Variants in SGMS1 observed in about 807,000 individuals in gnomAD.
SGMS1 encodes the protein sphingomyelin synthase 1.
Under a neutral mutation model 46.2 loss-of-function variants are expected in SGMS1, and 13 were observed. The observed-to-expected ratio is 0.28, with a 90% CI of 0.18 to 0.45. SGMS1 has a LOEUF of 0.45. SGMS1 is among the 20% of genes least tolerant of loss of function. The pLI is 1.00. For synonymous variants in SGMS1, 203 were observed against 187.8 expected, an observed-to-expected ratio of 1.08 and a Z score of -0.66; for missense variants, 324 against 519.9, an observed-to-expected ratio of 0.62 and a Z score of 3.66.
upstream of SGMS1, chr10:50,624,249 T>A (rs141031907): frequency 5.8e-5 from 26 of 447,626 alleles, no homozygotes; most frequent in Non-Finnish European, 7.7e-5. Context: ...GGACGGTAAA[T>A]CCCTTGGGGC....
chr10:50,374,364 C>G (rs149544951), intron 6 of SGMS1, among the ~76,000 whole-genome samples: 2 of 152,216 alleles, frequency 1.3e-5, no homozygotes, highest in African/African-American at 4.8e-5. Flanking sequence ...TCCATTCTGT[C>G]ATTTGCTCTG....
chr10:50,487,831 G>A (rs1026437317), intron 3 of SGMS1, among the ~76,000 whole-genome samples: 1 of 151,932 alleles, frequency 6.6e-6, no homozygotes, highest in African/African-American at 2.4e-5. Flanking sequence ...AGGTTTCACT[G>A]CCAAATTTTA....
At chr10:50,624,516 G>A (rs1221380367), upstream of SGMS1, 1 of 873,038 alleles carries the variant, frequency 1.1e-6, no homozygotes, top group Non-Finnish European at 1.4e-6. Flanking sequence ...CTCTGGCGAC[G>A]CCTGGGAGCG....
chr10:50,610,224 C>T (rs1367700294), intron 1 of SGMS1, among the ~76,000 whole-genome samples: 3 of 152,184 alleles, frequency 2.0e-5, no homozygotes, highest in Non-Finnish European at 4.4e-5. Context: ...GTCTGCCTCA[C>T]CCCCTTTTAC....
At chr10:50,449,478 T>TA (rs1174679252) in intron 5 of SGMS1, among the ~76,000 whole-genome samples, 1 of 152,034 alleles carries the variant, frequency 6.6e-6, no homozygotes, top group Non-Finnish European at 1.5e-5. Context: ...TCCTGCAAAA[T>TA]AAAAAAAGTA....
intron 3 of SGMS1, among the ~76,000 whole-genome samples, chr10:50,501,305 A>T (rs768551033): frequency 2.0e-5 from 3 of 152,204 alleles, no homozygotes; most frequent in Non-Finnish European, 2.9e-5. Context: ...CAAGTCCACA[A>T]ACTCTATCAT....
At chr10:50,518,476 G>C (rs1312591088) in intron 3 of SGMS1, among the ~76,000 whole-genome samples, 1 of 152,166 alleles carries the variant, frequency 6.6e-6, no homozygotes, top group Non-Finnish European at 1.5e-5. Context: ...GCCCAGGCTG[G>C]AGTGCAATGG....
intron 6 of SGMS1, among the ~76,000 whole-genome samples, chr10:50,415,048 G>C (rs1230721356): frequency 1.3e-5 from 2 of 152,226 alleles, no homozygotes; most frequent in Non-Finnish European, 2.9e-5. Flanking sequence ...GTCAACCCGG[G>C]AGGCGGAGCT....
At chr10:50,488,964 T>A (rs1837545978) in intron 3 of SGMS1, among the ~76,000 whole-genome samples, 1 of 152,210 alleles carries the variant, frequency 6.6e-6, no homozygotes, top group Non-Finnish European at 1.5e-5. Context: ...AGATGCTTTT[T>A]AAAAAGCTAT....
intron 6 of SGMS1, among the ~76,000 whole-genome samples, chr10:50,356,954 T>G (rs1359555136): frequency 3.3e-5 from 5 of 151,774 alleles, no homozygotes; most frequent in Admixed American, 2.6e-4. Flanking sequence ...CATTAGGAGA[T>G]ATACCTAATG....
At chr10:50,524,656 C>T (rs1206360918) in intron 2 of SGMS1, among the ~76,000 whole-genome samples, 4 of 152,190 alleles carry the variant, frequency 2.6e-5, no homozygotes, top group Admixed American at 2.0e-4. Context: ...TTATTATTAT[C>T]AGCCCATTTA....
chr10:50,350,955 AATGGTAG>A (rs1421836647), intron 6 of SGMS1, among the ~76,000 whole-genome samples: 2 of 152,140 alleles, frequency 1.3e-5, no homozygotes, highest in African/African-American at 4.8e-5. Flanking sequence ...CAGACCCCAG[AATGGTAG>A]ATCTACTGGC....
chr10:50,597,277 A>G (rs1283939324), intron 1 of SGMS1, among the ~76,000 whole-genome samples: 1 of 152,246 alleles, frequency 6.6e-6, no homozygotes, highest in African/African-American at 2.4e-5. Flanking sequence ...ATCATGAAAT[A>G]CCATTACACA....
intron 6 of SGMS1, among the ~76,000 whole-genome samples, chr10:50,413,130 G>T (rs1266251809): frequency 6.6e-6 from 1 of 152,110 alleles, no homozygotes; most frequent in African/African-American, 2.4e-5. Flanking sequence ...TTGTGACTGT[G>T]CCTAAGGACT....
At chr10:50,359,606 T>G (rs968534292) in intron 6 of SGMS1, among the ~76,000 whole-genome samples, 19 of 151,638 alleles carry the variant, frequency 1.3e-4, no homozygotes, top group African/African-American at 4.6e-4. Flanking sequence ...TCCCCAAGCC[T>G]CCAATTGAGT....
intron 9 of SGMS1, 105 bp downstream of exon 9, chr10:50,311,157 C>CAGG: frequency 7.4e-7 from 1 of 1,359,630 alleles, no homozygotes; most frequent in Non-Finnish European, 1.0e-6. Flanking sequence ...CTGAAGCCTC[C>CAGG]AGTCTTGCTT....
At chr10:50,581,262 G>A (rs576433471) in intron 2 of SGMS1, among the ~76,000 whole-genome samples, 10 of 152,314 alleles carry the variant, frequency 6.6e-5, no homozygotes, top group Admixed American at 5.2e-4. Context: ...TAGAGACCCT[G>A]GACTGGACAC....
chr10:50,607,990 C>T (rs1442026721), intron 1 of SGMS1, among the ~76,000 whole-genome samples: 1 of 152,248 alleles, frequency 6.6e-6, no homozygotes, highest in Non-Finnish European at 1.5e-5. Flanking sequence ...CCCAGTATCA[C>T]AAACATTAAC....
At chr10:50,376,259 T>G (rs533700843) in intron 6 of SGMS1, among the ~76,000 whole-genome samples, 1 of 152,324 alleles carries the variant, frequency 6.6e-6, no homozygotes, top group Admixed American at 6.5e-5. Flanking sequence ...TACAGGATTT[T>G]TGTTTTGAAG....
Sources: allele counts gnomAD v4.1 joint callset (sites outside exome capture counted in the v4.1 genomes callset), GRCh38; gene constraint gnomAD v4.1.1; transcripts MANE v1.5; gene names NCBI Gene and HGNC (gene_info 2026-07-23, HGNC 2026-07-21).